CMAS: variants seen among roughly 807,000 people sequenced by gnomAD.
CMAS encodes N-acylneuraminate cytidylyltransferase.
CMAS carries 21 observed loss-of-function variants against 53.4 expected under a neutral mutation model. The observed-to-expected ratio is 0.39, with a 90% confidence interval of 0.28 to 0.57. CMAS has a LOEUF of 0.57. Ranked by LOEUF, CMAS falls within the 20% of genes least tolerant of loss-of-function variation. CMAS has a pLI of 0.56. For missense variants in CMAS, 384 were observed against 534.9 expected (o/e 0.72, Z 2.78); for synonymous variants, 189 against 195.2 (o/e 0.97, Z 0.27).
chr12:22,060,718 A>T, intron 4 of CMAS, 114 bp from the exon 5 acceptor site: 1 of 617,010 alleles, frequency 1.6e-6, no homozygotes, highest in South Asian at 2.3e-5. Context: ...TTACTGGGTT[A>T]TTCATTTTTC....
chr12:22,061,743 AGAT>A (rs1300046467), intron 6 of CMAS, among the ~76,000 whole-genome samples: 1 of 152,178 alleles, frequency 6.6e-6, no homozygotes, highest in African/African-American at 2.4e-5. Flanking sequence ...AAGATTCCCT[AGAT>A]AATAGGTGTA....
At chr12:22,062,212 A>G in intron 6 of CMAS, 69 bp from the exon 7 acceptor site, 1 of 1,406,108 alleles carries the variant, frequency 7.1e-7, no homozygotes, top group East Asian at 2.4e-5. Context: ...TTATTATGAA[A>G]GATTTCTGTT....
intron 1 of CMAS, 70 bp downstream of exon 1, chr12:22,046,633 G>T: frequency 1.4e-6 from 2 of 1,407,910 alleles, no homozygotes; most frequent in East Asian, 2.8e-5. Flanking sequence ...CTGCTGGAGG[G>T]GCTGGGGCCT....
chr12:22,055,762 G>C, intron 3 of CMAS, 152 bp downstream of exon 3: 1 of 652,982 alleles, frequency 1.5e-6, no homozygotes, highest in African/African-American at 1.9e-5. Flanking sequence ...TTTACAATCA[G>C]CTGTAAATCT....
intron 1 of CMAS, among the ~76,000 whole-genome samples, chr12:22,051,815 T>C (rs1353082811): frequency 1.3e-5 from 2 of 152,222 alleles, no homozygotes; most frequent in African/African-American, 2.4e-5. Flanking sequence ...GAGGATTAAA[T>C]GAGACAGAGT....
intron 1 of CMAS, among the ~76,000 whole-genome samples, chr12:22,052,498 AG>A (rs1165559394): frequency 6.6e-6 from 1 of 152,250 alleles, no homozygotes; most frequent in African/African-American, 2.4e-5. Flanking sequence ...AGTAAAAATC[AG>A]GATAATGAAG....
intron 4 of CMAS, among the ~76,000 whole-genome samples, chr12:22,060,407 C>CAGCTTGAGGCCTCAAGAGGAT (rs1324683169): frequency 7.1e-6 from 1 of 140,122 alleles, no homozygotes; most frequent in African/African-American, 2.6e-5. Context: ...TTTGAGAGGC[C>CAGCTTGAGGCCTCAAGAGGAT]AGCTTGAGGC....
Position 22,058,555 on chromosome 12 carries a change from T to C in CMAS, c.560-12T>C, listed in dbSNP as rs367543774. 6 of 1,607,534 alleles carry C rather than the reference T, an allele frequency of 3.7e-6. No individual in the cohort carries two copies. Among genetic ancestry groups the C allele is most frequent in the Non-Finnish European group, 5.1e-6 (6 of 1,177,600 alleles). The stretch of plus-strand genomic sequence containing the variant: ...AGGGCAACGTGGACTTACTCTAACT[T>C]TTTGCTTTTAGTTCGTGAAGTGACC... On this transcript the variant is annotated splice_polypyrimidine_tract_variant and intron_variant, in intron 3 of 7. Transcript: ENST00000229329.
intron 1 of CMAS, 169 bp from the exon 2 acceptor site, chr12:22,054,980 T>C (rs1242787691): frequency 2.3e-6 from 1 of 426,878 alleles, no homozygotes; most frequent in Non-Finnish European, 4.2e-6. Context: ...ATATACAAAA[T>C]ACTTTATAAT....
chr12:22,048,113 C>T (rs1224893558), intron 1 of CMAS, among the ~76,000 whole-genome samples: 1 of 152,186 alleles, frequency 6.6e-6, no homozygotes. Context: ...ATACTTACTG[C>T]CTACCTACTA....
chr12:22,063,419 A>C (rs926797663), intron 7 of CMAS, among the ~76,000 whole-genome samples: 1 of 152,222 alleles, frequency 6.6e-6, no homozygotes, highest in Non-Finnish European at 1.5e-5. Context: ...AATTCCAACT[A>C]TACTTATTAT....
At chr12:22,051,403 C>T (rs1321797799) in intron 1 of CMAS, among the ~76,000 whole-genome samples, 1 of 152,124 alleles carries the variant, frequency 6.6e-6, no homozygotes, top group African/African-American at 2.4e-5. Flanking sequence ...TAATGAAAGG[C>T]CTATGCTGTT....
At chr12:22,056,731 T>A (rs1950270774) in intron 3 of CMAS, among the ~76,000 whole-genome samples, 1 of 152,152 alleles carries the variant, frequency 6.6e-6, no homozygotes, top group Non-Finnish European at 1.5e-5. Context: ...TGTTTGTGGT[T>A]CCTACAGATG....
chr12:22,060,406 C>G (rs1432470836), intron 4 of CMAS, among the ~76,000 whole-genome samples: 1 of 141,678 alleles, frequency 7.1e-6, no homozygotes, highest in African/African-American at 2.6e-5. Context: ...CTTTGAGAGG[C>G]CAGCTTGAGG....
chr12:22,053,053 G>A (rs1950246128), intron 1 of CMAS, among the ~76,000 whole-genome samples: 1 of 152,008 alleles, frequency 6.6e-6, no homozygotes, highest in African/African-American at 2.4e-5. Flanking sequence ...TAGCATTTTG[G>A]GAGGCTGAGG....
At position 22,046,390 on chromosome 12, in the gene CMAS, C is replaced by T. The variant is rs576214529; in HGVS notation, c.87C>T (p.Arg29=). Residue 29 remains arginine, a synonymous_variant, in exon 1 of 8, where the codon CGC becomes CGT. Coordinates refer to ENST00000229329, the MANE Select transcript of CMAS (RefSeq NM_018686.6). ...PSRGRPPKLQ[R]NSRGGQGRGV... ...GGGGCCGGCCGCCGAAGCTGCAGCG[C>T]AACTCTCGCGGCGGCCAGGGCCGAG... 13 of 1,582,020 alleles carry T rather than the reference C, an allele frequency of 8.2e-6. No individual in the cohort carries two copies. The highest frequency in any genetic ancestry group is 5.5e-5 in the Admixed American group (3 of 54,948).
intron 1 of CMAS, among the ~76,000 whole-genome samples, chr12:22,048,015 C>A (rs1207454891): frequency 6.6e-6 from 1 of 152,104 alleles, no homozygotes; most frequent in South Asian, 2.1e-4. Flanking sequence ...TATCAGGAAA[C>A]CCTGTTCAAA....
At chr12:22,061,484 T>TAATA (rs1950308317) in intron 6 of CMAS, 32 bp downstream of exon 6, 2 of 1,395,070 alleles carry the variant, frequency 1.4e-6, no homozygotes, top group Non-Finnish European at 9.7e-7. Context: ...CAGTATTTTA[T>TAATA]AATATTTTGA....
At chr12:22,046,643 T>G in intron 1 of CMAS, 80 bp downstream of exon 1, 1 of 1,381,294 alleles carries the variant, frequency 7.2e-7, no homozygotes, top group Non-Finnish European at 9.5e-7. Flanking sequence ...GGCTGGGGCC[T>G]CCGGGGCCAC....
Sources: allele counts gnomAD v4.1 joint callset (sites outside exome capture counted in the v4.1 genomes callset), GRCh38; gene constraint gnomAD v4.1.1; transcripts MANE v1.5; gene names NCBI Gene and HGNC (gene_info 2026-07-23, HGNC 2026-07-21).